VRK2: variants seen among roughly 807,000 people sequenced by gnomAD.
The protein encoded by VRK2 is serine/threonine-protein kinase VRK2.
A neutral mutation model predicts 57.6 loss-of-function variants in VRK2; 60 were observed. The ratio of observed to expected loss-of-function variants is 1.04; its 90% CI spans 0.85 to 1.29. The LOEUF (loss-of-function observed/expected upper bound fraction) is 1.29. Ranked by LOEUF, VRK2 falls within the 50% of genes most tolerant of loss-of-function variation. The pLI, the probability that VRK2 is intolerant of heterozygous loss-of-function variation, is 0.00. For missense variants in VRK2, 705 were observed against 588.1 expected (o/e 1.20, Z -2.06); for synonymous variants, 231 against 199.2 (o/e 1.16, Z -1.35).
intron 1 of VRK2, among the ~76,000 whole-genome samples, chr2:57,978,460 TA>T (rs1033823133): frequency 6.6e-6 from 1 of 150,970 alleles, no homozygotes; most frequent in Non-Finnish European, 1.5e-5. Flanking sequence ...ACTTGCTTAA[TA>T]AACATTTTAT....
At chr2:58,115,808 A>G (rs1236006037) in intron 7 of VRK2, among the ~76,000 whole-genome samples, 6 of 152,334 alleles carry the variant, frequency 3.9e-5, no homozygotes, top group Non-Finnish European at 7.3e-5. Flanking sequence ...CAGCCCAGGT[A>G]ATTTGCTGAG....
intron 7 of VRK2, among the ~76,000 whole-genome samples, chr2:58,116,300 A>C (rs1676472478): frequency 6.6e-6 from 1 of 151,070 alleles, no homozygotes; most frequent in Non-Finnish European, 1.5e-5. Flanking sequence ...GACGCAAAGG[A>C]GGCTTTGGAT....
chr2:58,028,769 G>A (rs1018280771), intron 2 of VRK2, among the ~76,000 whole-genome samples: 4 of 150,692 alleles, frequency 2.7e-5, no homozygotes, highest in African/African-American at 4.9e-5. Context: ...ATAGCATTAC[G>A]AGATATACCT....
intron 10 of VRK2, among the ~76,000 whole-genome samples, chr2:58,138,958 A>G (rs1032296066): frequency 1.3e-5 from 2 of 152,144 alleles, no homozygotes; most frequent in Non-Finnish European, 2.9e-5. Context: ...TTTGTATTTA[A>G]AAGTTGGTAG....
chr2:58,012,570 G>T (rs1225819218), intron 1 of VRK2, among the ~76,000 whole-genome samples: 4 of 152,184 alleles, frequency 2.6e-5, no homozygotes, highest in African/African-American at 9.7e-5. Flanking sequence ...AGAGTTTGGG[G>T]GGATAGGGCT....
At chr2:58,031,977 T>C (rs1674124477) in intron 2 of VRK2, among the ~76,000 whole-genome samples, 2 of 152,148 alleles carry the variant, frequency 1.3e-5, no homozygotes, top group South Asian at 4.1e-4. Flanking sequence ...CCTTTCACCC[T>C]ACACAACTTC....
chr2:57,915,528 A>G (rs1360936229), intron 1 of VRK2, among the ~76,000 whole-genome samples: 1 of 152,186 alleles, frequency 6.6e-6, no homozygotes, highest in African/African-American at 2.4e-5. Context: ...TAATATGGGG[A>G]AAAATGCAGC....
At position 57,962,105 on chromosome 2, in the gene VRK2, G is replaced by A. The variant is rs527584108; in HGVS notation, c.-439+54266G>A. The stretch of plus-strand genomic sequence containing the variant: ...ACAAACAAACAAACAAACAAAAACA[G>A]TATTTTGTATGTCTTCCAATAACAT... On this transcript the variant is annotated intron_variant, in intron 1 of 15. Transcript: ENST00000417641. Among the ~76,000 whole-genome samples, 73 of 152,212 alleles carry A rather than the reference G, an allele frequency of 4.8e-4. 2 individuals carry two copies. The highest frequency in any genetic ancestry group is 1.7e-3 in the African/African-American group (72 of 41,530).
chr2:58,159,223 G>T, intron 12 of VRK2, 126 bp from the exon 13 acceptor site: 1 of 696,780 alleles, frequency 1.4e-6, no homozygotes, highest in Non-Finnish European at 2.3e-6. Flanking sequence ...TACTTCTCAG[G>T]AAAAATAACA....
At chr2:58,074,321 TG>T (rs1346438606) in intron 2 of VRK2, among the ~76,000 whole-genome samples, 1 of 152,116 alleles carries the variant, frequency 6.6e-6, no homozygotes, top group Non-Finnish European at 1.5e-5. Context: ...TATTATCTGC[TG>T]TATTTGTAAC....
intron 1 of VRK2, among the ~76,000 whole-genome samples, chr2:57,927,906 G>T (rs80262195): frequency 0.057 from 8,726 of 152,170 alleles, 839 homozygotes; most frequent in African/African-American, 0.2. Flanking sequence ...AAAGTCTGCT[G>T]CCAGATGTAT....
At chr2:58,146,549 C>T in intron 12 of VRK2, 75 bp downstream of exon 12, 1 of 1,495,948 alleles carries the variant, frequency 6.7e-7, no homozygotes, top group East Asian at 2.4e-5. Flanking sequence ...ATAAAAACAT[C>T]TTATTTTCTC....
chr2:58,072,691 C>T (rs549516400), intron 2 of VRK2, among the ~76,000 whole-genome samples: 1 of 151,658 alleles, frequency 6.6e-6, no homozygotes, highest in Admixed American at 6.6e-5. Context: ...TTTTATCCAT[C>T]TTTATGAGAG....
intron 1 of VRK2, among the ~76,000 whole-genome samples, chr2:58,024,638 GCC>G (rs1673868131): frequency 6.6e-6 from 1 of 152,084 alleles, no homozygotes; most frequent in East Asian, 1.9e-4. Flanking sequence ...TTTATTTCTA[GCC>G]AGCCTATCCA....
intron 7 of VRK2, among the ~76,000 whole-genome samples, chr2:58,111,658 C>T (rs1027555774): frequency 1.2e-4 from 18 of 152,136 alleles, no homozygotes; most frequent in South Asian, 1.0e-3. Context: ...CTTACTACAA[C>T]GCAAATAATC....
At chr2:58,121,321 T>G (rs1677482068) in intron 7 of VRK2, among the ~76,000 whole-genome samples, 1 of 152,198 alleles carries the variant, frequency 6.6e-6, no homozygotes, top group African/African-American at 2.4e-5. Context: ...AAAATACAAT[T>G]CCATTTGTGT....
chr2:58,145,980 C>G (rs940976663), intron 11 of VRK2, among the ~76,000 whole-genome samples: 1 of 152,030 alleles, frequency 6.6e-6, no homozygotes, highest in Non-Finnish European at 1.5e-5. Flanking sequence ...GCATAGTATT[C>G]CATGGTGTAT....
At chr2:57,942,133 A>G (rs1360424418) in intron 1 of VRK2, among the ~76,000 whole-genome samples, 1 of 152,136 alleles carries the variant, frequency 6.6e-6, no homozygotes, top group East Asian at 1.9e-4. Context: ...AGTGACAAAA[A>G]CTTTTTAGCA....
chr2:58,112,163 C>T (rs1003285824), intron 7 of VRK2, among the ~76,000 whole-genome samples: 1 of 152,144 alleles, frequency 6.6e-6, no homozygotes, highest in Non-Finnish European at 1.5e-5. Flanking sequence ...AGCCAGGATT[C>T]GAATCCTGCT....
Sources: gnomAD v4.1 joint callset for allele counts (sites outside exome capture counted in the v4.1 genomes callset) on GRCh38, gnomAD v4.1.1 for gene constraint, MANE v1.5 for transcripts, NCBI Gene and HGNC (gene_info 2026-07-23, HGNC 2026-07-21) for gene names.